Variants in SNTG1 observed in about 807,000 individuals in gnomAD.
The protein encoded by SNTG1 is gamma-1-syntrophin.
Under a neutral mutation model 74.7 loss-of-function variants are expected in SNTG1, and 39 were observed. That is an observed-to-expected ratio of 0.52 (90% CI 0.40 to 0.68). The LOEUF (loss-of-function observed/expected upper bound fraction) is 0.68, where lower values mean the gene tolerates loss of function less well. Ranked by LOEUF, SNTG1 falls within the 30% of genes least tolerant of loss-of-function variation. SNTG1 has a pLI of 0.00. For missense variants in SNTG1, 685 were observed against 609.5 expected (o/e 1.12, Z -1.30); for synonymous variants, 254 against 217.1 (o/e 1.17, Z -1.49).
At chr8:50,135,947 T>C (rs2131431013) in intron 1 of SNTG1, among the ~76,000 whole-genome samples, 1 of 152,252 alleles carries the variant, frequency 6.6e-6, no homozygotes, top group Non-Finnish European at 1.5e-5. Context: ...TGTTCTCTTC[T>C]TTGTGTCCAT....
At chr8:50,189,988 C>T (rs1018522196) in intron 2 of SNTG1, among the ~76,000 whole-genome samples, 4 of 152,074 alleles carry the variant, frequency 2.6e-5, no homozygotes, top group South Asian at 2.1e-4. Context: ...AAGACAATTG[C>T]TTGTGTTATA....
At position 50,657,044 on chromosome 8, in the gene SNTG1, T is replaced by G. The variant is rs755499529; in HGVS notation, c.966+19T>G. 6 of 1,426,370 alleles carry G rather than the reference T, an allele frequency of 4.2e-6. No homozygotes were observed. Among genetic ancestry groups the G allele is most frequent in the Non-Finnish European group, 4.7e-6 (5 of 1,059,566 alleles). The allele number at this position is 1,426,370 out of a possible 1,614,324, so 88.4% of individuals were successfully genotyped here. On this transcript the variant is annotated intron_variant, in intron 14 of 18. Coordinates refer to ENST00000642720, the MANE Select transcript of SNTG1 (RefSeq NM_018967.5). ...ACCTCCAGTACGTGTTTTATTGAAA[T>G]GTATTGGTCGTTTCCATATTATCAC... is the stretch of plus-strand genomic sequence containing the variant.
In SNTG1 at chr8:50,372,861, C is replaced by T. The variant is rs115557984; in HGVS notation, c.-27-21351C>T. ...GAATTTTAGGAAGTAGACTGGATTT[C>T]GTATACAAAAAATAACCTCACCATT... On this transcript the variant is annotated intron_variant, in intron 2 of 18. Coordinates refer to ENST00000642720, the MANE Select transcript of SNTG1 (RefSeq NM_018967.5). Among the ~76,000 whole-genome samples, 790 of 152,052 alleles carry T rather than the reference C, an allele frequency of 5.2e-3. 15 individuals carry two copies. The highest frequency in any genetic ancestry group is 0.018 in the African/African-American group (761 of 41,498).
intron 1 of SNTG1, among the ~76,000 whole-genome samples, chr8:50,033,408 G>A (rs565448759): frequency 1.3e-5 from 2 of 152,270 alleles, no homozygotes; most frequent in South Asian, 4.1e-4. Flanking sequence ...ACAGGGGTGA[G>A]CCACTGCGCC....
At chr8:50,207,461 TC>T (rs1230394685) in intron 2 of SNTG1, among the ~76,000 whole-genome samples, 5 of 152,168 alleles carry the variant, frequency 3.3e-5, no homozygotes, top group African/African-American at 9.7e-5. Context: ...TCTCTTTTCT[TC>T]TTTATTAGTC....
Position 50,539,752 on chromosome 8 carries a change from G to A in SNTG1, c.680+2944G>A, listed in dbSNP as rs1050590002. 3.9e-5 allele frequency among the ~76,000 whole-genome samples: 6 copies of A among 152,314 alleles called. No homozygotes were observed. The South Asian group carries it at 1.2e-3, about 32-fold the overall frequency. On this transcript the variant is annotated intron_variant, in intron 11 of 18. Coordinates refer to ENST00000642720, the MANE Select transcript of SNTG1 (RefSeq NM_018967.5). ...GGGAAATTGGAGCCTGCTTCTTTAA[G>A]GTGTAGGATGGAAGAACAGCTTCTT...
chr8:50,534,786 A>G (rs1242261221), intron 10 of SNTG1, among the ~76,000 whole-genome samples: 2 of 152,186 alleles, frequency 1.3e-5, no homozygotes, highest in Non-Finnish European at 2.9e-5. Flanking sequence ...AAAACTAAAA[A>G]TAAAAAAACC....
intron 18 of SNTG1, among the ~76,000 whole-genome samples, chr8:50,773,766 T>C (rs866636105): frequency 2.5e-4 from 38 of 152,112 alleles, no homozygotes; most frequent in African/African-American, 9.2e-4. Flanking sequence ...ATAGAAGCTT[T>C]CTTTGAGGAA....
Position 50,276,145 on chromosome 8 carries a change from A to C in SNTG1, c.-28+103510A>C, listed in dbSNP as rs184548859. 2.2e-3 allele frequency among the ~76,000 whole-genome samples: 329 copies of C among 152,214 alleles called. 1 individual carries two copies. Among genetic ancestry groups the C allele is most frequent in the African/African-American group, 7.6e-3 (316 of 41,516 alleles). Reference sequence around the variant, plus strand: ...CATTTAAAGAGCAAGAACTAGGGAGACAGCTGTGATTTGCCACAGTACAGG... The same window carrying C: ...CATTTAAAGAGCAAGAACTAGGGAGCCAGCTGTGATTTGCCACAGTACAGG... On this transcript the variant is annotated intron_variant, in intron 2 of 18. Transcript: ENST00000642720.
intron 17 of SNTG1, among the ~76,000 whole-genome samples, chr8:50,746,990 G>C (rs1209033346): frequency 6.6e-6 from 1 of 150,792 alleles, no homozygotes. Flanking sequence ...CTTTTTTTTA[G>C]TGCTTTTGCT....
chr8:50,721,438 C>A (rs971003885), intron 17 of SNTG1, among the ~76,000 whole-genome samples: 1 of 152,172 alleles, frequency 6.6e-6, no homozygotes, highest in Non-Finnish European at 1.5e-5. Context: ...ATGGTGGAGA[C>A]AAATTCTTAA....
At chr8:50,309,018 T>A (rs1220598838) in intron 2 of SNTG1, among the ~76,000 whole-genome samples, 1 of 152,132 alleles carries the variant, frequency 6.6e-6, no homozygotes, top group Non-Finnish European at 1.5e-5. Context: ...AGAACACAAA[T>A]GTGTCTTCCC....
chr8:49,970,331 T>A (rs1585709944), intron 1 of SNTG1, among the ~76,000 whole-genome samples: 1 of 152,344 alleles, frequency 6.6e-6, no homozygotes, highest in East Asian at 1.9e-4. Context: ...TATGTTGCTT[T>A]GTTTTAGAAA....
At chr8:50,709,546 A>G (rs1228271787) in intron 17 of SNTG1, among the ~76,000 whole-genome samples, 1 of 152,182 alleles carries the variant, frequency 6.6e-6, no homozygotes, top group Non-Finnish European at 1.5e-5. Flanking sequence ...AGTGATGCAC[A>G]TTGAATGACA....
chr8:50,496,859 T>C (rs1240386682), intron 8 of SNTG1, among the ~76,000 whole-genome samples: 1 of 152,102 alleles, frequency 6.6e-6, no homozygotes, highest in Non-Finnish European at 1.5e-5. Context: ...ACTGGATTTA[T>C]TGGTTATTTC....
chr8:50,738,790 CAAA>C (rs58912248), intron 17 of SNTG1, among the ~76,000 whole-genome samples: 6 of 136,820 alleles, frequency 4.4e-5, no homozygotes, highest in African/African-American at 7.6e-5. Flanking sequence ...ACAAACCTGA[CAAA>C]AAAAAAAAAG....
chr8:50,466,863 G>A (rs2093612539), intron 8 of SNTG1, among the ~76,000 whole-genome samples: 1 of 151,922 alleles, frequency 6.6e-6, no homozygotes, highest in African/African-American at 2.4e-5. Context: ...ATTAACACTT[G>A]CATATTAAAT....
intron 1 of SNTG1, among the ~76,000 whole-genome samples, chr8:50,060,062 C>G (rs1179171987): frequency 6.6e-6 from 1 of 152,012 alleles, no homozygotes; most frequent in Non-Finnish European, 1.5e-5. Flanking sequence ...TGGTAACTTA[C>G]AGTAAAGGTG....
At chr8:49,917,056 A>C (rs911691960) in intron 1 of SNTG1, among the ~76,000 whole-genome samples, 1 of 152,022 alleles carries the variant, frequency 6.6e-6, no homozygotes, top group African/African-American at 2.4e-5. Flanking sequence ...TTTTATTTGA[A>C]TCTTTTCAAG....
Sources: gnomAD v4.1 joint callset for allele counts (sites outside exome capture counted in the v4.1 genomes callset) on GRCh38, gnomAD v4.1.1 for gene constraint, MANE v1.5 for transcripts, NCBI Gene and HGNC (gene_info 2026-07-23, HGNC 2026-07-21) for gene names.